The following FAXC variants were observed in gnomAD, a reference collection of about 807,000 sequenced individuals.
FAXC encodes the protein failed axon connections homolog, metaxin like GST domain containing, also known as failed axon connections homolog.
FAXC carries 10 observed loss-of-function variants against 41.9 expected under a neutral mutation model. The ratio of observed to expected loss-of-function variants is 0.24; its 90% CI spans 0.15 to 0.41. FAXC has a LOEUF of 0.41. Among genes scored for constraint, FAXC ranks in the 10% least tolerant of loss-of-function variants. The pLI is 1.00. For missense variants in FAXC, 399 were observed against 510.9 expected, an observed-to-expected ratio of 0.78 and a Z score of 2.11; for synonymous variants, 183 against 183.8, an observed-to-expected ratio of 1.00 and a Z score of 0.03.
At chr6:99,289,910 T>C (rs1405919194) in intron 5 of FAXC, among the ~76,000 whole-genome samples, 1 of 152,078 alleles carries the variant, frequency 6.6e-6, no homozygotes, top group Non-Finnish European at 1.5e-5. Context: ...TTGGGAACTA[T>C]GGCTCAGTGC....
At chr6:99,336,627 G>A (rs1480683488) in intron 2 of FAXC, among the ~76,000 whole-genome samples, 1 of 152,130 alleles carries the variant, frequency 6.6e-6, no homozygotes, top group Non-Finnish European at 1.5e-5. Flanking sequence ...TATTAGCATG[G>A]CAGTGAAGGC....
At chr6:99,346,210 T>C (rs1481293365) in intron 1 of FAXC, among the ~76,000 whole-genome samples, 1 of 152,238 alleles carries the variant, frequency 6.6e-6, no homozygotes, top group Non-Finnish European at 1.5e-5. Flanking sequence ...GTAGTTATCA[T>C]GTAACCTCTA....
At chr6:99,325,605 A>G (rs925330640) in intron 3 of FAXC, among the ~76,000 whole-genome samples, 3 of 152,260 alleles carry the variant, frequency 2.0e-5, no homozygotes, top group African/African-American at 7.2e-5. Context: ...TTCTATATAG[A>G]CATGGAAACG....
At chr6:99,325,219 A>G (rs779703606) in intron 3 of FAXC, among the ~76,000 whole-genome samples, 1 of 152,180 alleles carries the variant, frequency 6.6e-6, no homozygotes, top group Non-Finnish European at 1.5e-5. Flanking sequence ...AAAAAAAGGC[A>G]TTTTGATCAT....
chr6:99,349,829 G>A (rs1410658460), upstream of FAXC, among the ~76,000 whole-genome samples: 2 of 152,048 alleles, frequency 1.3e-5, no homozygotes, highest in African/African-American at 2.4e-5. Context: ...CCGCGCCTCC[G>A]GGCGGCACGC....
At chr6:99,315,363 T>C (rs1025473343) in intron 4 of FAXC, among the ~76,000 whole-genome samples, 2 of 151,398 alleles carry the variant, frequency 1.3e-5, no homozygotes, top group African/African-American at 2.4e-5. Flanking sequence ...TCACTGCACT[T>C]TGCACTTTAC....
chr6:99,291,558 C>G, intron 5 of FAXC, 146 bp downstream of exon 5: 1 of 682,332 alleles, frequency 1.5e-6, no homozygotes, highest in South Asian at 1.8e-5. Flanking sequence ...GTACAGAGAA[C>G]CAACCCTAGC....
intron 4 of FAXC, among the ~76,000 whole-genome samples, chr6:99,317,280 G>T (rs1772395016): frequency 6.6e-6 from 1 of 152,046 alleles, no homozygotes; most frequent in South Asian, 2.1e-4. Flanking sequence ...CATCCTAGAG[G>T]CTGGGCAGCA....
At chr6:99,336,641 A>G (rs993048249) in intron 2 of FAXC, among the ~76,000 whole-genome samples, 8 of 152,216 alleles carry the variant, frequency 5.3e-5, no homozygotes, top group Non-Finnish European at 7.3e-5. Flanking sequence ...TGAAGGCCAT[A>G]GGCTTTGGAT....
At chr6:99,283,428 C>T (rs957774957) in intron 5 of FAXC, among the ~76,000 whole-genome samples, 1 of 152,184 alleles carries the variant, frequency 6.6e-6, no homozygotes, top group Non-Finnish European at 1.5e-5. Context: ...ACATCCCCTG[C>T]AAAACATAAC....
At chr6:99,341,587 C>T (rs966566866) in intron 2 of FAXC, among the ~76,000 whole-genome samples, 3 of 151,978 alleles carry the variant, frequency 2.0e-5, no homozygotes, top group African/African-American at 7.2e-5. Context: ...ACAATGTAAC[C>T]TAAAATATAT....
intron 4 of FAXC, among the ~76,000 whole-genome samples, chr6:99,304,176 G>C (rs994705142): frequency 6.6e-6 from 1 of 151,960 alleles, no homozygotes; most frequent in Non-Finnish European, 1.5e-5. Context: ...ATCCCAGCTA[G>C]TCAGGAGGCT....
At chr6:99,309,804 C>T (rs950954885) in intron 4 of FAXC, 4 of 548,948 alleles carry the variant, frequency 7.3e-6, no homozygotes, top group South Asian at 7.9e-5. Context: ...CACAGGACTC[C>T]GGTATGAACT....
At chr6:99,341,094 G>T (rs1773411769) in intron 2 of FAXC, among the ~76,000 whole-genome samples, 1 of 152,166 alleles carries the variant, frequency 6.6e-6, no homozygotes, top group African/African-American at 2.4e-5. Flanking sequence ...AATAAATACA[G>T]ACTTTAATTC....
chr6:99,312,364 G>A (rs1562167464), intron 4 of FAXC, among the ~76,000 whole-genome samples: 1 of 152,188 alleles, frequency 6.6e-6, no homozygotes, highest in South Asian at 2.1e-4. Context: ...AATGCACACT[G>A]TTCAGCTCTT....
intron 4 of FAXC, among the ~76,000 whole-genome samples, chr6:99,298,934 A>G (rs1353016574): frequency 6.6e-6 from 1 of 151,818 alleles, no homozygotes; most frequent in Non-Finnish European, 1.5e-5. Context: ...CCCAACCCCA[A>G]CCCTGCTGAA....
Position 99,274,098 on chromosome 6 carries a change from C to T in FAXC, c.*7066G>A, listed in dbSNP as rs1770514549. 1 of 152,054 alleles carries T rather than the reference C, an allele frequency of 6.6e-6. No individual in the cohort carries two copies. Among genetic ancestry groups the T allele is most frequent in the Admixed American group, 6.6e-5 (1 of 15,262 alleles). The allele number at this position is 152,054 out of a possible 1,614,324, so 9.4% of individuals were successfully genotyped here. A position where few individuals can be genotyped will look rare whatever the true frequency, so the allele number is the denominator to read the frequency against. ...AAATGAAAAATATATGCCACAAACA[C>T]TCTTGAGAGACTAGAAGGAAATTCC... On this transcript the variant is annotated 3_prime_UTR_variant, in exon 6 of 6. Transcript: ENST00000389677.
At chr6:99,339,804 G>C (rs541377876) in intron 2 of FAXC, among the ~76,000 whole-genome samples, 11 of 152,092 alleles carry the variant, frequency 7.2e-5, no homozygotes, top group African/African-American at 2.2e-4. Flanking sequence ...GTAGAGAGTA[G>C]AGAGACATAG....
intron 2 of FAXC, among the ~76,000 whole-genome samples, chr6:99,340,249 G>A (rs1232099677): frequency 4.6e-5 from 7 of 151,552 alleles, no homozygotes; most frequent in South Asian, 2.1e-4. Context: ...ACAGGCACAC[G>A]CCACTACCGC....
Sources: gnomAD v4.1 joint callset for allele counts (sites outside exome capture counted in the v4.1 genomes callset) on GRCh38, gnomAD v4.1.1 for gene constraint, MANE v1.5 for transcripts, NCBI Gene and HGNC (gene_info 2026-07-23, HGNC 2026-07-21) for gene names.